The following PARD3 variants were observed in gnomAD, a reference collection of about 807,000 sequenced individuals.
The protein encoded by PARD3 is partitioning defective 3 homolog.
PARD3 carries 75 observed loss-of-function variants against 155.4 expected under a neutral mutation model. The observed-to-expected ratio is 0.48, with a 90% CI of 0.40 to 0.58. The LOEUF (loss-of-function observed/expected upper bound fraction) is 0.58, where lower values mean the gene tolerates loss of function less well. Among genes scored for constraint, PARD3 ranks in the 20% least tolerant of loss-of-function variants. The pLI, the probability that PARD3 is intolerant of heterozygous loss-of-function variation, is 0.00. For synonymous variants in PARD3, 576 were observed against 610.5 expected, an observed-to-expected ratio of 0.94 and a Z score of 0.83; for missense variants, 1,642 against 1,721.7, an observed-to-expected ratio of 0.95 and a Z score of 0.82.
chr10:34,380,845 G>C (rs1254409404), intron 9 of PARD3, among the ~76,000 whole-genome samples: 3 of 152,126 alleles, frequency 2.0e-5, no homozygotes, highest in African/African-American at 4.8e-5. Context: ...CCTTTGTTTA[G>C]AGATATCAAG....
intron 7 of PARD3, among the ~76,000 whole-genome samples, chr10:34,397,099 G>A (rs151270909): frequency 3.3e-5 from 5 of 152,286 alleles, no homozygotes; most frequent in South Asian, 4.1e-4. Flanking sequence ...ACCTAACACA[G>A]GGATTGTCAC....
intron 2 of PARD3, among the ~76,000 whole-genome samples, chr10:34,670,374 T>G (rs2093589087): frequency 6.6e-6 from 1 of 152,260 alleles, no homozygotes; most frequent in Non-Finnish European, 1.5e-5. Flanking sequence ...GATTTCTTAC[T>G]GGGGTGAGCA....
intron 2 of PARD3, among the ~76,000 whole-genome samples, chr10:34,631,868 G>C (rs772301230): frequency 2.6e-5 from 4 of 152,204 alleles, no homozygotes; most frequent in Non-Finnish European, 4.4e-5. Flanking sequence ...AAAGTACTGG[G>C]ATTACAGGTG....
intron 3 of PARD3, among the ~76,000 whole-genome samples, chr10:34,476,125 C>T (rs1283865492): frequency 6.6e-6 from 1 of 151,958 alleles, no homozygotes; most frequent in African/African-American, 2.4e-5. Flanking sequence ...CTTACCTCAA[C>T]AAAAATAAAA....
intron 22 of PARD3, among the ~76,000 whole-genome samples, chr10:34,264,396 T>C (rs1433978895): frequency 1.3e-5 from 2 of 152,328 alleles, no homozygotes; most frequent in East Asian, 1.9e-4. Context: ...TTGAGAAGCA[T>C]CTGTATTCAG....
chr10:34,378,843 G>A (rs921875572), intron 9 of PARD3, among the ~76,000 whole-genome samples: 6 of 152,106 alleles, frequency 3.9e-5, no homozygotes, highest in Non-Finnish European at 5.9e-5. Context: ...AAATTACTCT[G>A]ATGATTCACA....
Position 34,629,778 on chromosome 10 carries a change from G to T in PARD3, c.222+66540C>A, listed in dbSNP as rs74132076. Among the ~76,000 whole-genome samples, 1,206 of 152,180 alleles carry T rather than the reference G, an allele frequency of 7.9e-3. 17 individuals are homozygous for T. The highest frequency in any genetic ancestry group is 0.028 in the African/African-American group (1,153 of 41,514). ...ATAAACACTAAAATATTCAAGACCC[G>T]CAGCTTTTATTAGGAGATTTTAAGA... On this transcript the variant is annotated intron_variant, in intron 2 of 24. Coordinates refer to ENST00000374788, the MANE Select transcript of PARD3 (RefSeq NM_001184785.2).
rs558933274 is a variant in PARD3 at position 34,404,335 on chromosome 10, A to G, written c.715-2418T>C. On this transcript the variant is annotated intron_variant, in intron 5 of 24. Transcript: ENST00000374788. ...GAATTCCATTATAACTACAGTAAAC[A>G]AAGCTGTTATTATGTATGTCAAATC... Among the ~76,000 whole-genome samples, 112 of 152,330 alleles carry G rather than the reference A, an allele frequency of 7.4e-4. 3 individuals carry two copies. In the South Asian group the frequency reaches 0.023, roughly 31 times the overall value.
intron 22 of PARD3, among the ~76,000 whole-genome samples, chr10:34,263,787 G>A (rs780739376): frequency 6.6e-6 from 1 of 152,230 alleles, no homozygotes; most frequent in Non-Finnish European, 1.5e-5. Flanking sequence ...GAGGATAGCA[G>A]TGTCTTAAAG....
chr10:34,293,394 A>G (rs1237620998), intron 20 of PARD3, among the ~76,000 whole-genome samples: 2 of 152,104 alleles, frequency 1.3e-5, no homozygotes, highest in South Asian at 2.1e-4. Flanking sequence ...CTAACCCCAT[A>G]ACCCCAAATA....
chr10:34,675,678 TGA>T, intron 2 of PARD3: 1 of 197,420 alleles, frequency 5.1e-6, no homozygotes, highest in Non-Finnish European at 1.1e-5. Flanking sequence ...ATCCTTGGCC[TGA>T]GATTCCTTAT....
At chr10:34,407,751 T>G (rs1315857271) in intron 5 of PARD3, among the ~76,000 whole-genome samples, 5 of 152,010 alleles carry the variant, frequency 3.3e-5, no homozygotes, top group Non-Finnish European at 7.4e-5. Context: ...GGGGATCACT[T>G]GAGCCCAGGG....
chr10:34,269,635 C>T, intron 22 of PARD3, 22 bp downstream of exon 22: 1 of 1,609,098 alleles, frequency 6.2e-7, no homozygotes, highest in East Asian at 2.2e-5. Context: ...GAAGCAATAC[C>T]ACGATTGCCC....
intron 2 of PARD3, among the ~76,000 whole-genome samples, chr10:34,664,278 C>G (rs1001215427): frequency 1.3e-5 from 2 of 152,194 alleles, no homozygotes; most frequent in Admixed American, 6.5e-5. Context: ...TCTCGGCTCA[C>G]TGCAACCTCC....
intron 2 of PARD3, among the ~76,000 whole-genome samples, chr10:34,693,391 C>G (rs1016678066): frequency 3.9e-5 from 6 of 152,116 alleles, no homozygotes; most frequent in African/African-American, 1.4e-4. Flanking sequence ...AAATGTGGTA[C>G]AAACATACCA....
At chr10:34,450,516 T>C (rs1357355286) in intron 4 of PARD3, 68 bp from the exon 5 acceptor site, 14 of 1,441,708 alleles carry the variant, frequency 9.7e-6, no homozygotes, top group South Asian at 1.3e-5. Context: ...ATGCACCTGG[T>C]TTTTCAAAAG....
chr10:34,502,327 T>A (rs2080771862), intron 3 of PARD3, among the ~76,000 whole-genome samples: 2 of 152,048 alleles, frequency 1.3e-5, no homozygotes, highest in Admixed American at 6.6e-5. Flanking sequence ...ACAAGGTTGA[T>A]AATGCTAGAG....
chr10:34,557,125 T>C (rs1295214865), intron 2 of PARD3, among the ~76,000 whole-genome samples: 2 of 152,138 alleles, frequency 1.3e-5, no homozygotes, highest in Non-Finnish European at 2.9e-5. Flanking sequence ...CAGATAATAT[T>C]GACTCCATGA....
At chr10:34,134,527 A>G (rs1947790455) in intron 22 of PARD3, among the ~76,000 whole-genome samples, 1 of 152,226 alleles carries the variant, frequency 6.6e-6, no homozygotes, top group African/African-American at 2.4e-5. Flanking sequence ...AGTATCCTCA[A>G]TGTTAAATTC....
Sources: allele counts gnomAD v4.1 joint callset (sites outside exome capture counted in the v4.1 genomes callset), GRCh38; gene constraint gnomAD v4.1.1; transcripts MANE v1.5; gene names NCBI Gene and HGNC (gene_info 2026-07-23, HGNC 2026-07-21).